FBXO25: variants seen among roughly 807,000 people sequenced by gnomAD.
The protein encoded by FBXO25 is F-box protein 25.
FBXO25 carries 45 observed loss-of-function variants against 51.9 expected under a neutral mutation model. The ratio of observed to expected loss-of-function variants is 0.87; its 90% CI spans 0.68 to 1.11. The LOEUF (loss-of-function observed/expected upper bound fraction) is 1.11. FBXO25 is among the 50% of genes most tolerant of loss of function. The pLI is 0.00. For synonymous variants in FBXO25, 199 were observed against 151.0 expected (o/e 1.32, Z -2.33); for missense variants, 507 against 428.5 (o/e 1.18, Z -1.62).
chr8:441,565 T>A (rs1315619896), intron 5 of FBXO25, among the ~76,000 whole-genome samples: 2 of 152,208 alleles, frequency 1.3e-5, no homozygotes, highest in African/African-American at 4.8e-5. Flanking sequence ...GAAACTGTTA[T>A]CACAGCGAAG....
rs563754157 is a variant in FBXO25, at chr8:468,951, G to A, written c.*147G>A. 3.3e-5 allele frequency: 22 copies of A among 656,878 alleles called. No homozygotes were observed. In the African/African-American group the frequency reaches 3.5e-4, roughly 10 times the overall value. 40.7% of individuals were successfully genotyped at this position (656,878 alleles called of 1,614,324 possible). Reference sequence around the variant, plus strand: ...AAGAACTGCCCTTCTGCAAAGGGGGGACTGCATGGTTGCATTTTCATCACT... The same window carrying A: ...AAGAACTGCCCTTCTGCAAAGGGGGAACTGCATGGTTGCATTTTCATCACT... On this transcript the variant is annotated 3_prime_UTR_variant, in exon 10 of 10. Transcript: ENST00000350302.
intron 1 of FBXO25, among the ~76,000 whole-genome samples, chr8:410,647 A>G (rs918871958): frequency 1.3e-5 from 2 of 152,212 alleles, no homozygotes; most frequent in African/African-American, 4.8e-5. Context: ...TATTAGAGAC[A>G]GTTTTAGATA....
At position 463,057 on chromosome 8, in the gene FBXO25, G is replaced by T; in HGVS notation, c.894G>T (p.Leu298Phe). Residue 298 changes from leucine (L) to phenylalanine (F), a missense_variant, in exon 9 of 10, where the codon TTG becomes TTT. Coordinates refer to ENST00000350302, the MANE Select transcript of FBXO25 (RefSeq NM_183420.2). ...LSEKGHIEWK[L>F]MYFALQKHYP... Reference sequence around the variant, plus strand: ...AAAAAGGTCATATTGAATGGAAGTTGATGTACTTTGCACTTCAGAAACATT... The same window carrying T: ...AAAAAGGTCATATTGAATGGAAGTTTATGTACTTTGCACTTCAGAAACATT... 6.2e-7 allele frequency: 1 copy of T among 1,613,764 alleles called. No homozygotes were observed.
At chr8:434,788 C>G (rs1798005341) in intron 4 of FBXO25, among the ~76,000 whole-genome samples, 1 of 152,186 alleles carries the variant, frequency 6.6e-6, no homozygotes, top group African/African-American at 2.4e-5. Flanking sequence ...GTGTGCTAAT[C>G]TATACAAACC....
At chr8:462,942 T>G in intron 8 of FBXO25, 65 bp from the exon 9 acceptor site, 1 of 1,526,592 alleles carries the variant, frequency 6.6e-7, no homozygotes, top group Non-Finnish European at 8.8e-7. Flanking sequence ...GAAAAAGTTT[T>G]ACACCTAATA....
intron 9 of FBXO25, 149 bp from the exon 10 acceptor site, chr8:468,566 T>TG (rs1210461636): frequency 4.4e-5 from 27 of 609,216 alleles, no homozygotes; most frequent in Non-Finnish European, 7.1e-5. Context: ...GCCCTTGTGT[T>TG]GGTCATTCTC....
intron 8 of FBXO25, among the ~76,000 whole-genome samples, chr8:459,641 C>G (rs1330781520): frequency 2.6e-5 from 4 of 152,168 alleles, no homozygotes; most frequent in African/African-American, 7.2e-5. Context: ...GAAGATGACC[C>G]CGATGGGATG....
At chr8:417,229 T>G (rs1237190290) in intron 2 of FBXO25, among the ~76,000 whole-genome samples, 1 of 152,142 alleles carries the variant, frequency 6.6e-6, no homozygotes, top group Non-Finnish European at 1.5e-5. Flanking sequence ...CTGAGTGATG[T>G]GGGGAGTCAG....
chr8:426,000 C>G (rs1473139501), intron 2 of FBXO25, among the ~76,000 whole-genome samples: 3 of 152,020 alleles, frequency 2.0e-5, no homozygotes, highest in Non-Finnish European at 4.4e-5. Context: ...GATGGACACC[C>G]CAGTCCCAGT....
chr8:427,839 G>A (rs1797587481), intron 2 of FBXO25, among the ~76,000 whole-genome samples: 1 of 150,832 alleles, frequency 6.6e-6, no homozygotes, highest in Admixed American at 6.6e-5. Context: ...AAAACCGGAG[G>A]CTTACCGTAG....
intron 5 of FBXO25, among the ~76,000 whole-genome samples, chr8:436,758 G>A (rs1376352454): frequency 6.6e-6 from 1 of 152,232 alleles, no homozygotes; most frequent in Non-Finnish European, 1.5e-5. Flanking sequence ...AGAGAGGTCT[G>A]TTTAGCAGTA....
intron 4 of FBXO25, among the ~76,000 whole-genome samples, chr8:434,106 G>A (rs1158417520): frequency 6.6e-6 from 1 of 152,166 alleles, no homozygotes; most frequent in African/African-American, 2.4e-5. Flanking sequence ...TAGGAACCAG[G>A]ACCTAACAAG....
At chr8:441,417 C>T (rs892581221) in intron 5 of FBXO25, among the ~76,000 whole-genome samples, 2 of 152,128 alleles carry the variant, frequency 1.3e-5, no homozygotes, top group Non-Finnish European at 2.9e-5. Flanking sequence ...AAAAACCCTA[C>T]AAGAAAAGCT....
At position 474,597 on chromosome 8, in the gene FBXO25, T is replaced by C; in HGVS notation, c.*5793T>C. The C allele has an allele frequency of 2.5e-6, 1 of 393,544 alleles. No homozygotes were observed. The highest frequency in any genetic ancestry group is 2.0e-5 in the South Asian group (1 of 51,134). 24.4% of individuals were successfully genotyped at this position (393,544 alleles called of 1,614,324 possible). On this transcript the variant is annotated 3_prime_UTR_variant, in exon 10 of 10. Coordinates refer to ENST00000350302, the MANE Select transcript of FBXO25 (RefSeq NM_183420.2). Reference sequence around the variant, plus strand: ...TAATGAGTGTGAAGTGGTATCCTGCTGAGATTTTGATTTGCATTTCCGTAA... The same window carrying C: ...TAATGAGTGTGAAGTGGTATCCTGCCGAGATTTTGATTTGCATTTCCGTAA...
rs113312764 is a variant in FBXO25 at position 449,861 on chromosome 8, G to A, written c.382-129G>A. On this transcript the variant is annotated intron_variant, in intron 5 of 9. Transcript: ENST00000350302. ...GTGACTGTTTCCTATACTTGGACTC[G>A]GACTGATACAGTGACTTAATTTAGG... 23 of 679,118 alleles carry A rather than the reference G, an allele frequency of 3.4e-5. 1 individual carries two copies. The highest frequency in any genetic ancestry group is 2.1e-4 in the Admixed American group (8 of 37,980). 42.1% of individuals were successfully genotyped at this position (679,118 alleles called of 1,614,324 possible). A position where few individuals can be genotyped will look rare whatever the true frequency, so the allele number is the denominator to read the frequency against.
chr8:411,929 C>T (rs1796503826), intron 1 of FBXO25, among the ~76,000 whole-genome samples: 1 of 152,066 alleles, frequency 6.6e-6, no homozygotes, highest in Non-Finnish European at 1.5e-5. Flanking sequence ...AGCCTTCACC[C>T]CCAAATATTC....
chr8:408,931 GT>G (rs796628250), intron 1 of FBXO25, among the ~76,000 whole-genome samples: 7 of 152,220 alleles, frequency 4.6e-5, no homozygotes, highest in African/African-American at 7.2e-5. Context: ...GTAATTTCTA[GT>G]TTTTTTGTGT....
At chr8:420,874 G>T (rs550815580) in intron 2 of FBXO25, among the ~76,000 whole-genome samples, 1 of 152,336 alleles carries the variant, frequency 6.6e-6, no homozygotes, top group Admixed American at 6.5e-5. Flanking sequence ...AAAACCCATG[G>T]AACTGTGCAC....
chr8:416,337 C>G (rs191414939), intron 2 of FBXO25, among the ~76,000 whole-genome samples: 177 of 152,338 alleles, frequency 1.2e-3, no homozygotes, highest in Non-Finnish European at 2.2e-3. Context: ...ACCAGGAAAT[C>G]CAGAGCCATC....
Sources: gnomAD v4.1 joint callset for allele counts (sites outside exome capture counted in the v4.1 genomes callset) on GRCh38, gnomAD v4.1.1 for gene constraint, MANE v1.5 for transcripts, NCBI Gene and HGNC (gene_info 2026-07-23, HGNC 2026-07-21) for gene names.